Variants in ZNF440 observed in about 807,000 individuals in gnomAD.
ZNF440 encodes zinc finger protein 440.
ZNF440 carries 47 observed loss-of-function variants against 49.7 expected under a neutral mutation model. The ratio of observed to expected loss-of-function variants is 0.95; its 90% CI spans 0.75 to 1.21. The LOEUF (loss-of-function observed/expected upper bound fraction) is 1.21, where lower values mean the gene tolerates loss of function less well. Among genes scored for constraint, ZNF440 ranks in the 50% most tolerant of loss-of-function variants. The pLI, the probability that ZNF440 is intolerant of heterozygous loss-of-function variation, is 0.00. For synonymous variants in ZNF440, 255 were observed against 237.7 expected (o/e 1.07, Z -0.67); for missense variants, 703 against 715.0 (o/e 0.98, Z 0.19).
At chr19:11,818,271 G>A (rs565812386) in intron 1 of ZNF440, among the ~76,000 whole-genome samples, 1 of 152,202 alleles carries the variant, frequency 6.6e-6, no homozygotes, top group South Asian at 2.1e-4. Context: ...ATTATTATGG[G>A]TATTGGGACA....
At chr19:11,821,945 G>T (rs747403030) in intron 1 of ZNF440, among the ~76,000 whole-genome samples, 3 of 152,216 alleles carry the variant, frequency 2.0e-5, no homozygotes, top group Non-Finnish European at 2.9e-5. Context: ...AACACAGAGT[G>T]GGGGGAACAT....
At chr19:11,816,567 A>T (rs1283970730) in intron 1 of ZNF440, 1 of 152,154 alleles carries the variant, frequency 6.6e-6, no homozygotes, top group Non-Finnish European at 1.5e-5. Context: ...GAGGCACTCA[A>T]TTTTCAGGGT....
At chr19:11,822,915 A>G (rs1359948144) in intron 1 of ZNF440, among the ~76,000 whole-genome samples, 2 of 150,900 alleles carry the variant, frequency 1.3e-5, no homozygotes, top group Non-Finnish European at 2.9e-5. Flanking sequence ...TGTCTCTCTG[A>G]TAATACCATT....
At chr19:11,822,417 T>A (rs1975810524) in intron 1 of ZNF440, among the ~76,000 whole-genome samples, 1 of 152,216 alleles carries the variant, frequency 6.6e-6, no homozygotes, top group Non-Finnish European at 1.5e-5. Context: ...AATTAAATTA[T>A]TGTATATGGA....
At position 11,822,062 on chromosome 19, in the gene ZNF440, G is replaced by A. The variant is rs541547416; in HGVS notation, c.3+7612G>A. Among the ~76,000 whole-genome samples, 4 of 152,342 alleles carry A rather than the reference G, an allele frequency of 2.6e-5. No individual in the cohort carries two copies. The East Asian group carries it at 7.7e-4, about 29-fold the overall frequency. ...ATTGACCAAGGAGGTGTCTCTTGGG[G>A]AGTTGTTTCTGGTGGATTTAGAGCA... On this transcript the variant is annotated intron_variant, in intron 1 of 3. Coordinates refer to ENST00000304060, the MANE Select transcript of ZNF440 (RefSeq NM_152357.3).
chr19:11,830,487 A>G lies in ZNF440; in HGVS notation c.130+78A>G, dbSNP rs1235720519. 7.5e-6 allele frequency: 12 copies of G among 1,605,392 alleles called. No individual in the cohort carries two copies. In the Admixed American group the frequency reaches 1.7e-4, roughly 23 times the overall value. On this transcript the variant is annotated intron_variant, in intron 2 of 3. Coordinates refer to ENST00000304060, the MANE Select transcript of ZNF440 (RefSeq NM_152357.3). ...GCTCATTAATGCTGTTGAGTGATTT[A>G]GAACATAGACAGGAAATACTTTGAT...
chr19:11,818,808 G>T (rs999782713), intron 1 of ZNF440, among the ~76,000 whole-genome samples: 3 of 152,138 alleles, frequency 2.0e-5, no homozygotes, highest in African/African-American at 7.2e-5. Context: ...CAAAATAGCT[G>T]AGATTACAGG....
chr19:11,829,194 C>T (rs953232014), intron 1 of ZNF440, among the ~76,000 whole-genome samples: 1 of 151,860 alleles, frequency 6.6e-6, no homozygotes, highest in Non-Finnish European at 1.5e-5. Context: ...ACATACGGTG[C>T]CAGGTTTTGC....
In ZNF440 at chr19:11,831,974, T is replaced by C; in HGVS notation, c.798T>C (p.His266=). 9 of 1,613,530 alleles carry C rather than the reference T, an allele frequency of 5.6e-6. No individual in the cohort carries two copies. Among genetic ancestry groups the C allele is most frequent in the South Asian group, 2.2e-5 (2 of 91,046 alleles). ...ATCAGGAGTGTGGGAAAGCATTTCA[T>C]AGTCCCAGATCCTATCGTAGACATG... is the stretch of plus-strand genomic sequence containing the variant. ...YEYQECGKAF[H]SPRSYRRHER... Residue 266 remains histidine (H), a synonymous_variant, in exon 4 of 4, where the codon CAT becomes CAC. Transcript: ENST00000304060.
chr19:11,826,147 C>T (rs587859), intron 1 of ZNF440, among the ~76,000 whole-genome samples: 3 of 151,918 alleles, frequency 2.0e-5, no homozygotes, highest in African/African-American at 7.3e-5. Flanking sequence ...GAATAACATT[C>T]TATTGTACGG....
chr19:11,832,285 G>A lies in ZNF440; in HGVS notation c.1109G>A (p.Cys370Tyr), dbSNP rs934646687. The A allele has an allele frequency of 6.2e-6, 10 of 1,614,118 alleles. No individual in the cohort carries two copies. Among genetic ancestry groups the A allele is most frequent in the Non-Finnish European group, 8.5e-6 (10 of 1,180,014 alleles). Residue 370 changes from cysteine (C) to tyrosine (Y), a missense_variant, in exon 4 of 4, where the codon TGT becomes TAT. By Grantham distance (194) the Cys-to-Tyr change is radical. Coordinates refer to ENST00000304060, the MANE Select transcript of ZNF440 (RefSeq NM_152357.3). ...CACAGTGGAGAGAAACCCTATAAAT[G>A]TAAGCAGTGTGGTAAAGCCTTCCCT... ...KIHSGEKPYK[C>Y]KQCGKAFPHS... is the part of the protein sequence containing the mutation.
Position 11,830,170 on chromosome 19 carries a change from A to G in ZNF440, c.4-113A>G, listed in dbSNP as rs911199873. ...GAGAAAGAGATCTGATGACCAAAGC[A>G]GGGAATACGTGTTTGGAGTCCACGG... On this transcript the variant is annotated intron_variant, in intron 1 of 3. Coordinates refer to ENST00000304060, the MANE Select transcript of ZNF440 (RefSeq NM_152357.3). 4 of 1,534,158 alleles carry G rather than the reference A, an allele frequency of 2.6e-6. 1 individual carries two copies. The Middle Eastern group carries it at 7.0e-4, about 270-fold the overall frequency.
At chr19:11,822,842 C>T (rs922387362) in intron 1 of ZNF440, among the ~76,000 whole-genome samples, 7 of 61,376 alleles carry the variant, frequency 1.1e-4, no homozygotes, top group Admixed American at 2.8e-4. Flanking sequence ...AGTGAAACTC[C>T]GTTAAAAAAA....
At chr19:11,817,961 G>A (rs1201650235) in intron 1 of ZNF440, among the ~76,000 whole-genome samples, 2 of 152,174 alleles carry the variant, frequency 1.3e-5, no homozygotes, top group East Asian at 3.9e-4. Flanking sequence ...TGTAATCCCA[G>A]CACTTTGGGA....
chr19:11,826,786 C>G (rs1042308250), intron 1 of ZNF440, among the ~76,000 whole-genome samples: 1 of 151,550 alleles, frequency 6.6e-6, no homozygotes, highest in Non-Finnish European at 1.5e-5. Context: ...GACTCAGACT[C>G]CCGAATAGCT....
At chr19:11,814,901 C>G (rs928010001) in intron 1 of ZNF440, among the ~76,000 whole-genome samples, 5 of 152,146 alleles carry the variant, frequency 3.3e-5, no homozygotes, top group African/African-American at 1.2e-4. Flanking sequence ...AACGCAGTTT[C>G]TAGCACTTCT....
chr19:11,830,120 G>A (rs138439016), intron 1 of ZNF440, 163 bp from the exon 2 acceptor site: 25 of 1,400,750 alleles, frequency 1.8e-5, no homozygotes, highest in Non-Finnish European at 2.2e-5. Flanking sequence ...AAGTTGCTTT[G>A]TGGAAGAAAG....
At chr19:11,828,984 A>G (rs1355895447) in intron 1 of ZNF440, among the ~76,000 whole-genome samples, 1 of 152,234 alleles carries the variant, frequency 6.6e-6, no homozygotes, top group African/African-American at 2.4e-5. Context: ...ACGCCTGGCT[A>G]AGATGTCATT....
At chr19:11,818,966 T>C (rs1317700221) in intron 1 of ZNF440, among the ~76,000 whole-genome samples, 1 of 152,114 alleles carries the variant, frequency 6.6e-6, no homozygotes, top group Non-Finnish European at 1.5e-5. Context: ...AGCCATGAAG[T>C]CTTTGTGTGA....
Sources: allele counts gnomAD v4.1 joint callset (sites outside exome capture counted in the v4.1 genomes callset), GRCh38; gene constraint gnomAD v4.1.1; transcripts MANE v1.5; gene names NCBI Gene and HGNC (gene_info 2026-07-23, HGNC 2026-07-21).